Variants in TPM3 observed in about 807,000 individuals in gnomAD.
TPM3 encodes the protein tropomyosin 3, also known as tropomyosin alpha-3 chain.
A neutral mutation model predicts 43.1 loss-of-function variants in TPM3; 16 were observed. The ratio of observed to expected loss-of-function variants is 0.37; its 90% CI spans 0.25 to 0.56. The LOEUF (loss-of-function observed/expected upper bound fraction) is 0.56. Ranked by LOEUF, TPM3 falls within the 20% of genes least tolerant of loss-of-function variation. The probability of loss-of-function intolerance (pLI) is 0.77; values close to 1 mark genes in which losing one functional copy is unlikely to be tolerated. For missense variants in TPM3, 176 were observed against 337.2 expected, an observed-to-expected ratio of 0.52 and a Z score of 3.74; for synonymous variants, 101 against 116.9, an observed-to-expected ratio of 0.86 and a Z score of 0.88.
intron 2 of TPM3, among the ~76,000 whole-genome samples, chr1:154,177,617 T>C (rs1662482129): frequency 6.6e-6 from 1 of 152,174 alleles, no homozygotes; most frequent in East Asian, 1.9e-4. Context: ...CAGATGCTTA[T>C]CCAAGTGCCT....
chr1:154,182,497 G>A (rs773693612), intron 2 of TPM3, among the ~76,000 whole-genome samples: 1 of 152,176 alleles, frequency 6.6e-6, no homozygotes. Flanking sequence ...CAGGCAGGCC[G>A]GGGTCTTTCC....
At chr1:154,172,799 G>A in intron 5 of TPM3, 109 bp downstream of exon 5, 1 of 1,372,714 alleles carries the variant, frequency 7.3e-7, no homozygotes, top group Non-Finnish European at 1.0e-6. Context: ...CCATTCCCTA[G>A]GCCCTGTTTA....
rs149706002 is a variant in TPM3, at chr1:154,187,691, G to A, written c.243+3495C>T. ...ATTCCTAATGATTTTGATGTATTGC[G>A]TACAGCCTCTATGTTATTCTCCTTC... On this transcript the variant is annotated intron_variant, in intron 2 of 9. Transcript: ENST00000651641. 2.4e-4 allele frequency among the ~76,000 whole-genome samples: 37 copies of A among 151,546 alleles called. No homozygotes were observed. The East Asian group carries it at 6.6e-3, about 27-fold the overall frequency.
Position 154,162,076 on chromosome 1 carries a change from G to C in TPM3, c.*5861C>G, listed in dbSNP as rs1366521073. On this transcript the variant is annotated 3_prime_UTR_variant, in exon 10 of 10. Coordinates refer to ENST00000651641, the MANE Select transcript of TPM3 (RefSeq NM_152263.4). ...GTTCTTTTCAGCTATATCTAATTAA[G>C]AAACAACCCCATGGCCAGGTGCAGT... Among the ~76,000 whole-genome samples, 1 of 152,042 alleles carries C rather than the reference G, an allele frequency of 6.6e-6. No homozygotes were observed. Among genetic ancestry groups the C allele is most frequent in the East Asian group, 1.9e-4 (1 of 5,184 alleles).
chr1:154,185,956 T>C (rs774931326), intron 2 of TPM3, among the ~76,000 whole-genome samples: 3 of 151,502 alleles, frequency 2.0e-5, no homozygotes, highest in African/African-American at 4.9e-5. Flanking sequence ...CTGAAAGGAA[T>C]AGTAGGCAAG....
chr1:154,171,278 T>C (rs1661541430), intron 6 of TPM3, 135 bp downstream of exon 6: 1 of 909,604 alleles, frequency 1.1e-6, no homozygotes, highest in South Asian at 1.4e-5. Flanking sequence ...ACCCAGAACC[T>C]GAATACATGG....
At chr1:154,182,735 G>C (rs1035510987) in intron 2 of TPM3, among the ~76,000 whole-genome samples, 5 of 152,048 alleles carry the variant, frequency 3.3e-5, no homozygotes, top group African/African-American at 1.2e-4. Flanking sequence ...AAAAAAAGAG[G>C]AGGAAAGCCA....
chr1:154,178,767 G>T (rs185629912), intron 2 of TPM3, among the ~76,000 whole-genome samples: 1 of 152,166 alleles, frequency 6.6e-6, no homozygotes, highest in Non-Finnish European at 1.5e-5. Context: ...TGTTTCAGCT[G>T]ACCTATCTCT....
Position 154,164,957 on chromosome 1 carries a change from C to G in TPM3, c.*2980G>C, listed in dbSNP as rs770813907. 7.9e-5 allele frequency among the ~76,000 whole-genome samples: 12 copies of G among 152,184 alleles called. No individual in the cohort carries two copies. The highest frequency in any genetic ancestry group is 1.6e-4 in the Non-Finnish European group (11 of 68,032). On this transcript the variant is annotated 3_prime_UTR_variant, in exon 10 of 10. Transcript: ENST00000651641. ...ATCTCCAGTGGCATCCCCATTAACT[C>G]CAAGTAAAATTATAACTCCTCAGCC...
chr1:154,169,195 G>A (rs1220241284), intron 9 of TPM3, 110 bp downstream of exon 9: 21 of 1,120,932 alleles, frequency 1.9e-5, no homozygotes, highest in Non-Finnish European at 2.7e-5. Flanking sequence ...GATAAGGGTG[G>A]AGATTCTAGT....
chr1:154,164,719 T>C lies in TPM3; in HGVS notation c.*3218A>G, dbSNP rs1571375407. The stretch of plus-strand genomic sequence containing the variant: ...AAACTTTGATTTCAAAATAGAATTG[T>C]GTCAAGTAAGAACAAAATAAATCTG... On this transcript the variant is annotated 3_prime_UTR_variant, in exon 10 of 10. Transcript: ENST00000651641. Among the ~76,000 whole-genome samples the C allele has an allele frequency of 6.6e-6, 1 of 152,134 alleles. No individual in the cohort carries two copies. Among genetic ancestry groups the C allele is most frequent in the Admixed American group, 6.5e-5 (1 of 15,278 alleles).
At chr1:154,177,681 T>C (rs976547619) in intron 2 of TPM3, among the ~76,000 whole-genome samples, 5 of 152,180 alleles carry the variant, frequency 3.3e-5, no homozygotes, top group African/African-American at 4.8e-5. Context: ...TCTATTACCC[T>C]GATTTCTTCC....
At chr1:154,181,449 G>A (rs1335736272) in intron 2 of TPM3, among the ~76,000 whole-genome samples, 1 of 152,062 alleles carries the variant, frequency 6.6e-6, no homozygotes, top group South Asian at 2.1e-4. Context: ...AACCACATGA[G>A]TACTTTCACT....
chr1:154,173,853 G>A (rs926567838), intron 3 of TPM3, among the ~76,000 whole-genome samples: 6 of 151,772 alleles, frequency 4.0e-5, no homozygotes, highest in Non-Finnish European at 8.8e-5. Flanking sequence ...GCCAGGTGTG[G>A]TGGCAAGCAC....
At chr1:154,180,944 T>C (rs1439150240) in intron 2 of TPM3, among the ~76,000 whole-genome samples, 1 of 150,082 alleles carries the variant, frequency 6.7e-6, no homozygotes. Flanking sequence ...AGAGGGGGGA[T>C]GGGAGGCAGG....
At chr1:154,170,370 CTA>C (rs749853961) in intron 8 of TPM3, 28 bp downstream of exon 8, 48 of 1,610,866 alleles carry the variant, frequency 3.0e-5, no homozygotes, top group Non-Finnish European at 4.1e-5. Context: ...CTATATTTCT[CTA>C]TTTCAATCCC....
intron 2 of TPM3, among the ~76,000 whole-genome samples, chr1:154,181,920 C>CA (rs553049944): frequency 2.0e-5 from 3 of 151,528 alleles, no homozygotes; most frequent in Non-Finnish European, 4.4e-5. Context: ...GACTCTGTCT[C>CA]AAAAAAAAGA....
chr1:154,186,914 C>T (rs1663436796), intron 2 of TPM3, among the ~76,000 whole-genome samples: 1 of 151,654 alleles, frequency 6.6e-6, no homozygotes, highest in Admixed American at 6.6e-5. Context: ...CTTGTGTAAA[C>T]ACGTAGTTAT....
chr1:154,177,039 ACCGTTATT>A (rs1662420492), intron 2 of TPM3, among the ~76,000 whole-genome samples: 3 of 152,086 alleles, frequency 2.0e-5, no homozygotes, highest in South Asian at 4.2e-4. Flanking sequence ...CTTAACTCAA[ACCGTTATT>A]CCTATGATCA....
Sources: gnomAD v4.1 joint callset for allele counts (sites outside exome capture counted in the v4.1 genomes callset) on GRCh38, gnomAD v4.1.1 for gene constraint, MANE v1.5 for transcripts, NCBI Gene and HGNC (gene_info 2026-07-23, HGNC 2026-07-21) for gene names.